ADAMTSL1: variants seen among roughly 807,000 people sequenced by gnomAD.
The protein encoded by ADAMTSL1 is ADAMTS-like protein 1.
In ADAMTSL1, 126 loss-of-function variants were observed where a neutral mutation model predicts 201.8. The ratio of observed to expected loss-of-function variants is 0.62; its 90% confidence interval spans 0.54 to 0.72. ADAMTSL1 has a LOEUF of 0.72. Ranked by LOEUF, ADAMTSL1 falls within the 30% of genes least tolerant of loss-of-function variation. The pLI, the probability that ADAMTSL1 is intolerant of heterozygous loss-of-function variation, is 0.00. For synonymous variants in ADAMTSL1, 1,121 were observed against 903.4 expected (o/e 1.24, Z -4.32); for missense variants, 2,679 against 2,277.8 (o/e 1.18, Z -3.59).
intron 21 of ADAMTSL1, among the ~76,000 whole-genome samples, chr9:18,818,792 A>G (rs902669816): frequency 9.2e-5 from 14 of 152,128 alleles, no homozygotes; most frequent in Admixed American, 7.2e-4. Flanking sequence ...CCTATCTCAA[A>G]AAAAAAAATT....
At chr9:17,986,315 G>A (rs775696398) in intron 1 of ADAMTSL1, among the ~76,000 whole-genome samples, 56 of 151,852 alleles carry the variant, frequency 3.7e-4, no homozygotes, top group Non-Finnish European at 6.5e-4. Context: ...TTCAGTTCTG[G>A]CCCTCTCTGA....
At chr9:18,718,788 T>C (rs59728899) in intron 14 of ADAMTSL1, among the ~76,000 whole-genome samples, 262 of 152,350 alleles carry the variant, frequency 1.7e-3, no homozygotes, top group African/African-American at 6.2e-3. Flanking sequence ...ATCCAGTCAC[T>C]TTCAAGTAAA....
chr9:18,005,173 A>C (rs972017736), intron 1 of ADAMTSL1, among the ~76,000 whole-genome samples: 3 of 152,076 alleles, frequency 2.0e-5, no homozygotes. Flanking sequence ...AGGAGAAGTC[A>C]CACTTAAATG....
chr9:18,339,184 G>GA (rs1835366207), intron 2 of ADAMTSL1, among the ~76,000 whole-genome samples: 1 of 152,032 alleles, frequency 6.6e-6, no homozygotes, highest in Non-Finnish European at 1.5e-5. Context: ...TACAGAATGG[G>GA]AAAAAATATT....
At chr9:18,050,174 A>G (rs960242095) in intron 1 of ADAMTSL1, among the ~76,000 whole-genome samples, 5 of 152,250 alleles carry the variant, frequency 3.3e-5, no homozygotes, top group Non-Finnish European at 7.3e-5. Context: ...TATAGAAGAC[A>G]TAAAATGTCC....
intron 1 of ADAMTSL1, among the ~76,000 whole-genome samples, chr9:18,013,786 T>C (rs1376963776): frequency 3.3e-5 from 5 of 152,060 alleles, no homozygotes; most frequent in Non-Finnish European, 7.4e-5. Context: ...ATTGTAACTA[T>C]ACAAAGCATG....
At chr9:18,256,287 G>A (rs1010674735) in intron 2 of ADAMTSL1, among the ~76,000 whole-genome samples, 2 of 152,176 alleles carry the variant, frequency 1.3e-5, no homozygotes. Flanking sequence ...GTCTAAGCAT[G>A]AGAAGTTTGA....
intron 2 of ADAMTSL1, among the ~76,000 whole-genome samples, chr9:18,241,067 C>T (rs1831043769): frequency 6.6e-6 from 1 of 152,168 alleles, no homozygotes; most frequent in Admixed American, 6.6e-5. Context: ...ATGGCTGTTT[C>T]TTATTCCTGT....
At chr9:18,375,274 T>C (rs1837236879) in intron 2 of ADAMTSL1, among the ~76,000 whole-genome samples, 1 of 152,230 alleles carries the variant, frequency 6.6e-6, no homozygotes, top group Non-Finnish European at 1.5e-5. Flanking sequence ...GTCATTGTTT[T>C]TCTATGGATT....
At position 18,906,887 on chromosome 9, in the gene ADAMTSL1, C is replaced by G. The variant is rs181826982; in HGVS notation, c.5157C>G (p.Arg1719=). 116 of 1,613,984 alleles carry G rather than the reference C, an allele frequency of 7.2e-5. No homozygotes were observed. The highest frequency in any genetic ancestry group is 1.7e-6 in the Non-Finnish European group (2 of 1,179,868). ...SWGPRPANWQ[R]CNITPCENME... ...GGCCCCGGCCTGCCAACTGGCAGCG[C>G]TGCAACATCACCCCATGTGAAAACA... Residue 1719 remains arginine, a synonymous_variant, in exon 28 of 29, where the codon CGC becomes CGG. Transcript: ENST00000380548.
At chr9:18,603,110 G>T (rs1391360307) in intron 4 of ADAMTSL1, among the ~76,000 whole-genome samples, 2 of 152,178 alleles carry the variant, frequency 1.3e-5, no homozygotes, top group Admixed American at 6.5e-5. Context: ...CCTATGGCTG[G>T]GTTTGTTGTT....
intron 10 of ADAMTSL1, among the ~76,000 whole-genome samples, chr9:18,676,740 G>T (rs1477570268): frequency 2.0e-5 from 3 of 152,090 alleles, no homozygotes; most frequent in South Asian, 4.2e-4. Context: ...AGAACCAAGG[G>T]TTTATATCAG....
At chr9:18,757,325 C>G (rs1292068426) in intron 16 of ADAMTSL1, among the ~76,000 whole-genome samples, 1 of 152,158 alleles carries the variant, frequency 6.6e-6, no homozygotes, top group South Asian at 2.1e-4. Context: ...TCCTCCTCCT[C>G]TTTGGTGTTG....
At chr9:18,837,690 A>G (rs1487519488) in intron 23 of ADAMTSL1, among the ~76,000 whole-genome samples, 2 of 152,234 alleles carry the variant, frequency 1.3e-5, no homozygotes, top group Non-Finnish European at 2.9e-5. Context: ...GTTTTACTGT[A>G]ACAGAGCCAC....
At chr9:18,042,408 T>C (rs1451413314) in intron 1 of ADAMTSL1, among the ~76,000 whole-genome samples, 1 of 152,130 alleles carries the variant, frequency 6.6e-6, no homozygotes, top group Non-Finnish European at 1.5e-5. Context: ...ATGGACTATC[T>C]CATTAAATCC....
intron 1 of ADAMTSL1, among the ~76,000 whole-genome samples, chr9:17,987,700 G>A (rs763861762): frequency 6.6e-6 from 1 of 152,014 alleles, no homozygotes; most frequent in African/African-American, 2.4e-5. Context: ...TGCAAGCAGT[G>A]TGCTCTCAAA....
intron 1 of ADAMTSL1, among the ~76,000 whole-genome samples, chr9:18,129,631 A>G (rs1273794238): frequency 6.6e-6 from 1 of 152,222 alleles, no homozygotes; most frequent in Non-Finnish European, 1.5e-5. Flanking sequence ...GTATATGTTT[A>G]TTAAGTTAAT....
chr9:18,174,781 A>T (rs914782169), intron 2 of ADAMTSL1, among the ~76,000 whole-genome samples: 2 of 152,160 alleles, frequency 1.3e-5, no homozygotes, highest in African/African-American at 4.8e-5. Flanking sequence ...TAAAATTTGT[A>T]TCCTGTTTTC....
intron 23 of ADAMTSL1, among the ~76,000 whole-genome samples, chr9:18,853,442 T>C (rs988987051): frequency 1.3e-5 from 2 of 152,158 alleles, no homozygotes; most frequent in Non-Finnish European, 2.9e-5. Context: ...GAAATGGTCC[T>C]TGTGCATGCT....
Sources: allele counts gnomAD v4.1 joint callset (sites outside exome capture counted in the v4.1 genomes callset), GRCh38; gene constraint gnomAD v4.1.1; transcripts MANE v1.5; gene names NCBI Gene and HGNC (gene_info 2026-07-23, HGNC 2026-07-21).